TMPRSS15: variants seen among roughly 807,000 people sequenced by gnomAD.
TMPRSS15 encodes transmembrane serine protease 15.
Under a neutral mutation model 125.3 loss-of-function variants are expected in TMPRSS15, and 128 were observed. The ratio of observed to expected loss-of-function variants is 1.02; its 90% CI spans 0.89 to 1.18. The LOEUF (loss-of-function observed/expected upper bound fraction) is 1.18, where lower values mean the gene tolerates loss of function less well. Ranked by LOEUF, TMPRSS15 falls within the 50% of genes most tolerant of loss-of-function variation. The probability of loss-of-function intolerance (pLI) is 0.00; values close to 1 mark genes in which losing one functional copy is unlikely to be tolerated. For synonymous variants in TMPRSS15, 446 were observed against 423.2 expected, an observed-to-expected ratio of 1.05 and a Z score of -0.66; for missense variants, 1,283 against 1,212.7, an observed-to-expected ratio of 1.06 and a Z score of -0.86.
chr21:18,459,397 T>C (rs1978507855), intron 1 of TMPRSS15, among the ~76,000 whole-genome samples: 2 of 151,822 alleles, frequency 1.3e-5, no homozygotes, highest in South Asian at 4.2e-4. Flanking sequence ...ACTCAGCCTC[T>C]CGAGTAGCTG....
intron 21 of TMPRSS15, 146 bp from the exon 22 acceptor site, chr21:18,281,367 C>T (rs777262398): frequency 5.9e-5 from 45 of 767,350 alleles, no homozygotes; most frequent in Non-Finnish European, 9.2e-5. Flanking sequence ...AAAATATTCT[C>T]AAATCTTTAT....
chr21:18,319,171 T>A (rs9978427), intron 16 of TMPRSS15, among the ~76,000 whole-genome samples: 21,057 of 152,162 alleles, frequency 0.14, 1,612 homozygotes, highest in African/African-American at 0.17. Flanking sequence ...TAAAGTAATA[T>A]GACCTTGGTT....
intron 10 of TMPRSS15, among the ~76,000 whole-genome samples, chr21:18,352,356 A>G (rs748012904): frequency 5.3e-5 from 8 of 152,118 alleles, no homozygotes; most frequent in Non-Finnish European, 1.0e-4. Flanking sequence ...TCAGACTTCC[A>G]TAGGGCTTCT....
chr21:18,306,032 T>C (rs2075035321), intron 18 of TMPRSS15, among the ~76,000 whole-genome samples: 1 of 152,188 alleles, frequency 6.6e-6, no homozygotes, highest in South Asian at 2.1e-4. Flanking sequence ...TGTGCTGAAG[T>C]TGCAAATCAA....
chr21:18,426,111 A>G (rs577878414), intron 1 of TMPRSS15, among the ~76,000 whole-genome samples: 1 of 152,194 alleles, frequency 6.6e-6, no homozygotes, highest in African/African-American at 2.4e-5. Flanking sequence ...AGGGCCCACA[A>G]TTACTTTATT....
At chr21:18,437,700 A>T (rs935081670) in intron 1 of TMPRSS15, among the ~76,000 whole-genome samples, 1 of 152,248 alleles carries the variant, frequency 6.6e-6, no homozygotes, top group Non-Finnish European at 1.5e-5. Context: ...GAAGACATTT[A>T]TGCAGCCAAA....
chr21:18,276,646 T>C (rs1393813774), intron 23 of TMPRSS15, among the ~76,000 whole-genome samples: 3 of 152,154 alleles, frequency 2.0e-5, no homozygotes, highest in Non-Finnish European at 4.4e-5. Flanking sequence ...CTGATTGCCT[T>C]GATTTAACCA....
intron 6 of TMPRSS15, 61 bp downstream of exon 6, chr21:18,372,132 G>GTA: frequency 7.0e-7 from 1 of 1,427,528 alleles, no homozygotes; most frequent in Non-Finnish European, 9.8e-7. Context: ...GTGTGTGTGT[G>GTA]TGTGTGTCTA....
intron 1 of TMPRSS15, among the ~76,000 whole-genome samples, chr21:18,472,480 T>TATAC (rs1491127013): frequency 0.017 from 1,899 of 112,230 alleles, 42 homozygotes; most frequent in African/African-American, 0.055. Flanking sequence ...TATATATATA[T>TATAC]ACACACACAC....
intron 21 of TMPRSS15, among the ~76,000 whole-genome samples, chr21:18,289,102 A>G (rs11700830): frequency 0.81 from 122,529 of 152,112 alleles, 49,587 homozygotes; most frequent in Non-Finnish European, 0.83. Flanking sequence ...CCAAATTTTA[A>G]GTGGTAATTA....
At chr21:18,370,571 A>G (rs2075782793) in intron 6 of TMPRSS15, among the ~76,000 whole-genome samples, 1 of 152,184 alleles carries the variant, frequency 6.6e-6, no homozygotes, top group South Asian at 2.1e-4. Flanking sequence ...CAAAGCAAGA[A>G]CATTGCTTTC....
chr21:18,297,397 A>G (rs2074919051), intron 19 of TMPRSS15, among the ~76,000 whole-genome samples: 1 of 152,110 alleles, frequency 6.6e-6, no homozygotes. Context: ...GTTTTATCCC[A>G]GTTCTCACAA....
chr21:18,310,190 T>A (rs1023404166), intron 18 of TMPRSS15, among the ~76,000 whole-genome samples: 1 of 152,092 alleles, frequency 6.6e-6, no homozygotes, highest in Non-Finnish European at 1.5e-5. Flanking sequence ...TTATTCAGTA[T>A]AACACTGAAA....
At chr21:18,390,825 G>A (rs1469767419) in intron 3 of TMPRSS15, among the ~76,000 whole-genome samples, 1 of 152,144 alleles carries the variant, frequency 6.6e-6, no homozygotes, top group Non-Finnish European at 1.5e-5. Flanking sequence ...ACCTGAGACT[G>A]GGTAATTTAT....
chr21:18,430,648 T>C (rs1003633663), intron 1 of TMPRSS15, among the ~76,000 whole-genome samples: 1 of 152,166 alleles, frequency 6.6e-6, no homozygotes, highest in Admixed American at 6.5e-5. Context: ...GCTGGTGCAA[T>C]AACACCAAAT....
chr21:18,401,281 C>T (rs979387722), intron 1 of TMPRSS15, among the ~76,000 whole-genome samples: 5 of 152,138 alleles, frequency 3.3e-5, no homozygotes, highest in African/African-American at 1.2e-4. Flanking sequence ...CACGCACTCA[C>T]ATGTTCATCA....
At chr21:18,438,986 G>C (rs1416629333) in intron 1 of TMPRSS15, among the ~76,000 whole-genome samples, 1 of 151,908 alleles carries the variant, frequency 6.6e-6, no homozygotes, top group African/African-American at 2.4e-5. Flanking sequence ...AATTAATCAG[G>C]GCTCTGAATT....
chr21:18,484,120 C>T (rs1979034450), intron 1 of TMPRSS15, among the ~76,000 whole-genome samples: 1 of 151,810 alleles, frequency 6.6e-6, no homozygotes, highest in Non-Finnish European at 1.5e-5. Flanking sequence ...TGTAATCATA[C>T]CACAATCTAT....
In TMPRSS15 at chr21:18,274,436, G is replaced by C. The variant is rs573448026; in HGVS notation, c.2904+761C>G. 3.3e-5 allele frequency among the ~76,000 whole-genome samples: 5 copies of C among 152,270 alleles called. No individual in the cohort carries two copies. The South Asian group carries it at 8.3e-4, about 25-fold the overall frequency. ...TTTATTGTGTGTACTTGGATTTCAT[G>C]GCGCTAATAGGAACATTACTCTTAG... On this transcript the variant is annotated intron_variant, in intron 24 of 24. Coordinates refer to ENST00000284885, the MANE Select transcript of TMPRSS15 (RefSeq NM_002772.3).
Sources: gnomAD v4.1 joint callset for allele counts (sites outside exome capture counted in the v4.1 genomes callset) on GRCh38, gnomAD v4.1.1 for gene constraint, MANE v1.5 for transcripts, NCBI Gene and HGNC (gene_info 2026-07-23, HGNC 2026-07-21) for gene names.